The following NXPH1 variants were observed in gnomAD, a reference collection of about 807,000 sequenced individuals.
NXPH1 encodes neurexophilin 1.
A neutral mutation model predicts 23.7 loss-of-function variants in NXPH1; 5 were observed. The observed-to-expected ratio is 0.21, with a 90% CI of 0.11 to 0.44. The LOEUF (loss-of-function observed/expected upper bound fraction) is 0.44. Among genes scored for constraint, NXPH1 ranks in the 20% least tolerant of loss-of-function variants. The probability of loss-of-function intolerance (pLI) is 0.99; values close to 1 mark genes in which losing one functional copy is unlikely to be tolerated. For synonymous variants in NXPH1, 144 were observed against 122.2 expected (o/e 1.18, Z -1.18); for missense variants, 324 against 321.6 (o/e 1.01, Z -0.06).
chr7:8,499,427 A>G (rs1584195112), intron 2 of NXPH1, among the ~76,000 whole-genome samples: 1 of 152,174 alleles, frequency 6.6e-6, no homozygotes, highest in East Asian at 1.9e-4. Flanking sequence ...TGATACAAAC[A>G]GCAGAGATCC....
intron 2 of NXPH1, among the ~76,000 whole-genome samples, chr7:8,583,132 G>T (rs79093626): frequency 2.0e-5 from 3 of 152,210 alleles, no homozygotes; most frequent in African/African-American, 7.2e-5. Context: ...TCAAGTATAG[G>T]CTGGATGCTT....
At chr7:8,688,358 T>C (rs1041087229) in intron 2 of NXPH1, among the ~76,000 whole-genome samples, 11 of 152,324 alleles carry the variant, frequency 7.2e-5, no homozygotes, top group African/African-American at 2.6e-4. Flanking sequence ...ACATTGTAAA[T>C]GTTATCTTCT....
intron 2 of NXPH1, among the ~76,000 whole-genome samples, chr7:8,547,196 C>G (rs1009725958): frequency 6.6e-6 from 1 of 151,400 alleles, no homozygotes; most frequent in African/African-American, 2.4e-5. Flanking sequence ...TGCCACAGCA[C>G]ACAAGGTTAT....
intron 2 of NXPH1, among the ~76,000 whole-genome samples, chr7:8,532,401 T>C (rs1487431181): frequency 6.8e-6 from 1 of 146,984 alleles, no homozygotes; most frequent in African/African-American, 2.5e-5. Flanking sequence ...CCCTATGTTG[T>C]ACCCTGTTGG....
At chr7:8,743,963 C>A (rs937085114) in intron 2 of NXPH1, among the ~76,000 whole-genome samples, 2 of 152,142 alleles carry the variant, frequency 1.3e-5, no homozygotes, top group African/African-American at 2.4e-5. Context: ...GGATTGCAGG[C>A]ATGAGCCACC....
At position 8,448,955 on chromosome 7, in the gene NXPH1, C is replaced by T. The variant is rs149698248; in HGVS notation, c.54+13188C>T. ...TGAGAATCCTTGTGATGTTTTAATT[C>T]CATGTGGCAAACACTATGGCCATTT... On this transcript the variant is annotated intron_variant, in intron 2 of 2. Coordinates refer to ENST00000405863, the MANE Select transcript of NXPH1 (RefSeq NM_152745.3). Among the ~76,000 whole-genome samples the T allele has an allele frequency of 9.8e-3, 1,493 of 152,096 alleles. 24 individuals carry two copies. The highest frequency in any genetic ancestry group is 0.034 in the African/African-American group (1,406 of 41,482).
At chr7:8,617,499 A>G (rs1819770701) in intron 2 of NXPH1, among the ~76,000 whole-genome samples, 1 of 151,954 alleles carries the variant, frequency 6.6e-6, no homozygotes, top group South Asian at 2.1e-4. Flanking sequence ...ATCCAGTCAT[A>G]TGCAACAACA....
At chr7:8,574,669 A>G (rs1369947279) in intron 2 of NXPH1, among the ~76,000 whole-genome samples, 1 of 152,126 alleles carries the variant, frequency 6.6e-6, no homozygotes, top group Non-Finnish European at 1.5e-5. Context: ...CAAATTTAGA[A>G]TCTATTTAAA....
intron 2 of NXPH1, among the ~76,000 whole-genome samples, chr7:8,681,713 AC>A (rs1221089304): frequency 2.0e-5 from 3 of 152,242 alleles, no homozygotes; most frequent in Non-Finnish European, 2.9e-5. Flanking sequence ...ATACTGCATT[AC>A]AAAGTTTATG....
chr7:8,616,961 G>C (rs1383466585), intron 2 of NXPH1, among the ~76,000 whole-genome samples: 1 of 152,060 alleles, frequency 6.6e-6, no homozygotes, highest in Non-Finnish European at 1.5e-5. Flanking sequence ...GTTGTGCCAA[G>C]AGATGGTGCC....
At chr7:8,645,155 C>T (rs976482735) in intron 2 of NXPH1, among the ~76,000 whole-genome samples, 13 of 152,136 alleles carry the variant, frequency 8.5e-5, no homozygotes, top group East Asian at 5.8e-4. Context: ...TCTTCGAATG[C>T]ACACAAAGAA....
At chr7:8,621,618 G>A (rs1002204438) in intron 2 of NXPH1, among the ~76,000 whole-genome samples, 8 of 151,836 alleles carry the variant, frequency 5.3e-5, no homozygotes, top group African/African-American at 1.9e-4. Context: ...CTCCCGAGTA[G>A]CTGGGATTAC....
At chr7:8,579,533 C>T (rs1432251006) in intron 2 of NXPH1, among the ~76,000 whole-genome samples, 3 of 151,968 alleles carry the variant, frequency 2.0e-5, no homozygotes, top group Non-Finnish European at 4.4e-5. Context: ...CCACCATGCC[C>T]AGCTAATTTT....
At chr7:8,721,571 C>A (rs1477162626) in intron 2 of NXPH1, among the ~76,000 whole-genome samples, 2 of 151,936 alleles carry the variant, frequency 1.3e-5, no homozygotes, top group African/African-American at 4.8e-5. Flanking sequence ...GTCAGGAGAT[C>A]GAGACCATCC....
At chr7:8,646,267 T>C (rs996695349) in intron 2 of NXPH1, among the ~76,000 whole-genome samples, 7 of 152,142 alleles carry the variant, frequency 4.6e-5, no homozygotes, top group Non-Finnish European at 7.4e-5. Flanking sequence ...TTATTAGAGA[T>C]ACATTTTTAA....
rs538743433 is a variant in NXPH1, at chr7:8,445,730, T to C, written c.54+9963T>C. On this transcript the variant is annotated intron_variant, in intron 2 of 2. Transcript: ENST00000405863. ...ATATGTTTCTATGTATTCACCTCTT[T>C]AGAGGATTCCATGGAAAATAATTGT... Among the ~76,000 whole-genome samples, 12 of 152,342 alleles carry C rather than the reference T, an allele frequency of 7.9e-5. No homozygotes were observed. In the East Asian group the frequency reaches 2.1e-3, roughly 27 times the overall value.
chr7:8,741,347 G>C (rs1480021648), intron 2 of NXPH1, among the ~76,000 whole-genome samples: 1 of 152,100 alleles, frequency 6.6e-6, no homozygotes, highest in East Asian at 1.9e-4. Context: ...TGTGAATAAT[G>C]CTGCAATGAA....
intron 2 of NXPH1, among the ~76,000 whole-genome samples, chr7:8,620,711 G>A (rs921461039): frequency 8.5e-5 from 13 of 152,152 alleles, no homozygotes; most frequent in African/African-American, 1.9e-4. Flanking sequence ...AGAATTATAC[G>A]AACCAATACA....
intron 2 of NXPH1, among the ~76,000 whole-genome samples, chr7:8,620,594 A>G (rs1819846625): frequency 6.6e-6 from 1 of 152,212 alleles, no homozygotes; most frequent in South Asian, 2.1e-4. Flanking sequence ...ATGTAGCTTA[A>G]GATTGAAGCC....
Sources: allele counts gnomAD v4.1 joint callset (sites outside exome capture counted in the v4.1 genomes callset), GRCh38; gene constraint gnomAD v4.1.1; transcripts MANE v1.5; gene names NCBI Gene and HGNC (gene_info 2026-07-23, HGNC 2026-07-21).